Variants in CDK5RAP1 observed in about 807,000 individuals in gnomAD.
The protein encoded by CDK5RAP1 is CDK5RAP1 mitochondrial tRNA methylthiotransferase.
CDK5RAP1 carries 62 observed loss-of-function variants against 64.5 expected under a neutral mutation model. The ratio of observed to expected loss-of-function variants is 0.96; its 90% CI spans 0.78 to 1.19. The LOEUF (loss-of-function observed/expected upper bound fraction) is 1.19. Ranked by LOEUF, CDK5RAP1 falls within the 50% of genes most tolerant of loss-of-function variation. The pLI, the probability that CDK5RAP1 is intolerant of heterozygous loss-of-function variation, is 0.00. For synonymous variants in CDK5RAP1, 250 were observed against 261.9 expected, an observed-to-expected ratio of 0.95 and a Z score of 0.44; for missense variants, 657 against 735.0, an observed-to-expected ratio of 0.89 and a Z score of 1.23.
At chr20:33,372,565 G>A in intron 10 of CDK5RAP1, 77 bp downstream of exon 10, 1 of 640,132 alleles carries the variant, frequency 1.6e-6, no homozygotes, top group Non-Finnish European at 2.6e-6. Context: ...AAATGCCAAA[G>A]GTGTTGACTG....
intron 11 of CDK5RAP1, among the ~76,000 whole-genome samples, chr20:33,369,858 G>A (rs982547008): frequency 8.5e-5 from 13 of 152,154 alleles, no homozygotes; most frequent in Admixed American, 1.3e-4. Context: ...CTGGCCACAG[G>A]GGGCCTTCAA....
chr20:33,358,990 C>A lies in CDK5RAP1; in HGVS notation c.*53G>T. ...TTTCCTCAGTGGCAGGCAATGTCTC[C>A]CCTTCCTGTTGGGGAGGATTGCCCA... On this transcript the variant is annotated 3_prime_UTR_variant, in exon 14 of 14. Coordinates refer to ENST00000346416, the MANE Select transcript of CDK5RAP1 (RefSeq NM_016408.4). 7.6e-7 allele frequency: 1 copy of A among 1,314,778 alleles called. No homozygotes were observed. Among genetic ancestry groups the A allele is most frequent in the South Asian group, 1.2e-5 (1 of 83,404 alleles). 81.4% of individuals were successfully genotyped at this position (1,314,778 alleles called of 1,614,324 possible). A position where few individuals can be genotyped will look rare whatever the true frequency, so the allele number is the denominator to read the frequency against.
At chr20:33,400,713 G>A (rs1989327142) in intron 1 of CDK5RAP1, among the ~76,000 whole-genome samples, 1 of 152,110 alleles carries the variant, frequency 6.6e-6, no homozygotes, top group Non-Finnish European at 1.5e-5. Context: ...TACCCAGGAG[G>A]CTGAGGCAGG....
chr20:33,390,138 G>A (rs1475737754), intron 5 of CDK5RAP1, among the ~76,000 whole-genome samples: 2 of 151,876 alleles, frequency 1.3e-5, no homozygotes, highest in Admixed American at 6.6e-5. Context: ...ATTAGTCCTC[G>A]TGGAACGTGC....
At chr20:33,387,175 G>A in intron 6 of CDK5RAP1, 148 bp downstream of exon 6, 1 of 626,744 alleles carries the variant, frequency 1.6e-6, no homozygotes, top group Non-Finnish European at 2.8e-6. Context: ...ACTAAAGCAA[G>A]AGCCCAGGAG....
chr20:33,387,314 G>A lies in CDK5RAP1; in HGVS notation c.755+9C>T. ...AGGCTTATTCCCTATCTCTTAGGCAGTGACTCACACAAAGGCAGACGTGGC... is the reference window on the plus strand; with the variant it reads ...AGGCTTATTCCCTATCTCTTAGGCAATGACTCACACAAAGGCAGACGTGGC... On this transcript the variant is annotated intron_variant, in intron 6 of 13. Transcript: ENST00000346416. 6.2e-7 allele frequency: 1 copy of A among 1,602,632 alleles called. No individual in the cohort carries two copies. The highest frequency in any genetic ancestry group is 8.5e-7 in the Non-Finnish European group (1 of 1,170,158).
chr20:33,394,104 A>G (rs200587832), intron 3 of CDK5RAP1, 38 bp from the exon 4 acceptor site: 5 of 1,363,166 alleles, frequency 3.7e-6, no homozygotes, highest in South Asian at 2.3e-5. Flanking sequence ...AAATTACATA[A>G]TATCTTGGAT....
upstream of CDK5RAP1, chr20:33,401,538 C>T (rs909186910): frequency 1.0e-6 from 1 of 985,462 alleles, no homozygotes; most frequent in Non-Finnish European, 1.2e-6. Flanking sequence ...TCCGTTCCGC[C>T]GCTACTTCAG....
chr20:33,367,014 A>G lies in CDK5RAP1; in HGVS notation c.1393-6T>C. The G allele has an allele frequency of 1.0e-5, 2 of 194,624 alleles. No individual in the cohort carries two copies. Among genetic ancestry groups the G allele is most frequent in the Admixed American group, 1.3e-4 (2 of 14,860 alleles). The allele number at this position is 194,624 out of a possible 1,614,324, so 12.1% of individuals were successfully genotyped here. A position where few individuals can be genotyped will look rare whatever the true frequency, so the allele number is the denominator to read the frequency against. ...CTATGATATGCCCGTGTCTTCTATT[A>G]AAAAAAAAAAAAAGAGAGAAGATGG... On this transcript the variant is annotated splice_polypyrimidine_tract_variant and splice_region_variant and intron_variant, in intron 11 of 13. Coordinates refer to ENST00000346416, the MANE Select transcript of CDK5RAP1 (RefSeq NM_016408.4).
intron 1 of CDK5RAP1, among the ~76,000 whole-genome samples, chr20:33,400,970 A>G (rs565917016): frequency 6.6e-6 from 1 of 152,364 alleles, no homozygotes; most frequent in Admixed American, 6.5e-5. Context: ...ATGCAATAAT[A>G]CAAGCAAAAT....
At chr20:33,375,529 T>A (rs1218511047) in intron 8 of CDK5RAP1, among the ~76,000 whole-genome samples, 1 of 152,008 alleles carries the variant, frequency 6.6e-6, no homozygotes, top group Non-Finnish European at 1.5e-5. Context: ...TAAAGAACTT[T>A]TACAACTCAA....
intron 8 of CDK5RAP1, among the ~76,000 whole-genome samples, chr20:33,378,749 G>C (rs896745776): frequency 6.6e-6 from 1 of 152,076 alleles, no homozygotes; most frequent in Non-Finnish European, 1.5e-5. Flanking sequence ...ATTTGAACCC[G>C]GGTCTGAGGC....
At chr20:33,370,451 C>A (rs759669447) in intron 11 of CDK5RAP1, 48 bp downstream of exon 11, 19 of 1,607,556 alleles carry the variant, frequency 1.2e-5, no homozygotes, top group Non-Finnish European at 1.6e-5. Flanking sequence ...GTCACCACCC[C>A]CAAACTGGTC....
chr20:33,368,015 A>C (rs1420024391), intron 11 of CDK5RAP1, among the ~76,000 whole-genome samples: 1 of 152,242 alleles, frequency 6.6e-6, no homozygotes, highest in Non-Finnish European at 1.5e-5. Context: ...TTTACTATGC[A>C]TGAAACACAA....
chr20:33,387,496 G>A lies in CDK5RAP1; in HGVS notation c.582C>T (p.Asn194=), dbSNP rs778307405. 18 of 1,614,050 alleles carry A rather than the reference G, an allele frequency of 1.1e-5. No homozygotes were observed. Among genetic ancestry groups the A allele is most frequent in the Non-Finnish European group, 1.5e-5 (18 of 1,180,012 alleles). Residue 194 remains asparagine, a synonymous_variant, in exon 6 of 14, where the codon AAC becomes AAT. Coordinates refer to ENST00000346416, the MANE Select transcript of CDK5RAP1 (RefSeq NM_016408.4). ...MAERLKEEIL[N]REKMVDILAG... Reference sequence around the variant, plus strand: ...CCAAAATATCTACCATTTTCTCTCTGTTGAGAATCTCCTCCTTCAACCTCT... The same window carrying A: ...CCAAAATATCTACCATTTTCTCTCTATTGAGAATCTCCTCCTTCAACCTCT...
chr20:33,395,113 T>C lies in CDK5RAP1; in HGVS notation c.308A>G (p.Tyr103Cys), dbSNP rs1184141813. ...CATCTGGCAGCCATAGGTCTCGAGG[T>C]AGACTGCAGTGAGAGGTTGGGGGGA... Reference protein sequence around the residue: ...DELLGRQRKVYLETYGCQMNV... With the variant: ...DELLGRQRKVCLETYGCQMNV... The change falls in exon 3 of 14, where the codon TAC (tyrosine) becomes TGC (cysteine). Residue 103 changes from tyrosine (Y) to cysteine (C), a missense_variant. Physicochemically the swap from Tyr to Cys is radical, Grantham distance 194. Transcript: ENST00000346416. 2.5e-6 allele frequency: 4 copies of C among 1,595,190 alleles called. No individual in the cohort carries two copies. Among genetic ancestry groups the C allele is most frequent in the Middle Eastern group, 1.7e-4 (1 of 5,932 alleles).
In CDK5RAP1 at chr20:33,368,403, C is replaced by T. The variant is rs1023666610; in HGVS notation, c.1393-1395G>A. The stretch of plus-strand genomic sequence containing the variant: ...AACCTCCCAGGCTCAAGTGATCCTC[C>T]GACTTCAGCCTCCCAAATAGCTGGG... On this transcript the variant is annotated intron_variant, in intron 11 of 13. Transcript: ENST00000346416. Among the ~76,000 whole-genome samples the T allele has an allele frequency of 5.3e-5, 8 of 151,586 alleles. No homozygotes were observed. In the East Asian group the frequency reaches 9.7e-4, roughly 18 times the overall value.
At chr20:33,391,796 G>C (rs970542428) in intron 5 of CDK5RAP1, among the ~76,000 whole-genome samples, 6 of 151,652 alleles carry the variant, frequency 4.0e-5, no homozygotes, top group African/African-American at 1.5e-4. Context: ...CTCCAGCCTG[G>C]ACAACAAGAG....
intron 12 of CDK5RAP1, among the ~76,000 whole-genome samples, chr20:33,366,597 G>C (rs936554245): frequency 7.9e-5 from 12 of 152,200 alleles, no homozygotes; most frequent in African/African-American, 2.9e-4. Context: ...GGTCAAAAGA[G>C]CGAGACTCCG....
Sources: gnomAD v4.1 joint callset for allele counts (sites outside exome capture counted in the v4.1 genomes callset) on GRCh38, gnomAD v4.1.1 for gene constraint, MANE v1.5 for transcripts, NCBI Gene and HGNC (gene_info 2026-07-23, HGNC 2026-07-21) for gene names.